The following EPCIP variants were observed in gnomAD, a reference collection of about 807,000 sequenced individuals.
The protein encoded by EPCIP is exosomal polycystin-1-interacting protein.
At chr21:32,794,221 C>A in the EPCIP span, 6 of 1,614,270 alleles carry the variant, frequency 3.7e-6, no homozygotes, top group Non-Finnish European at 5.1e-6. Flanking sequence ...CTGCAAGGGG[C>A]AGGACGGTTT....
chr21:32,798,597 T>G, the EPCIP span: 1 of 152,252 alleles, frequency 6.6e-6, no homozygotes, highest in South Asian at 2.1e-4. Context: ...TTAGGCCATT[T>G]GAGGCTGCAG....
the EPCIP span, among the ~76,000 whole-genome samples, chr21:32,806,360 C>T: frequency 6.6e-6 from 1 of 152,158 alleles, no homozygotes; most frequent in Non-Finnish European, 1.5e-5. Context: ...GCCCCATGGC[C>T]AAGGTAAGGG....
At chr21:32,796,983 A>G in the EPCIP span, 1 of 448,066 alleles carries the variant, frequency 2.2e-6, no homozygotes, top group East Asian at 7.6e-5. Context: ...AAAAGAGATC[A>G]GAAGAGAAAA....
the EPCIP span, chr21:32,793,623 G>T: frequency 1.3e-6 from 1 of 769,512 alleles, no homozygotes; most frequent in Non-Finnish European, 2.3e-6. Flanking sequence ...TGGTATGTGT[G>T]GCTGTGTTGC....
At chr21:32,795,701 C>T in the EPCIP span, among the ~76,000 whole-genome samples, 3 of 152,118 alleles carry the variant, frequency 2.0e-5, no homozygotes, top group Non-Finnish European at 2.9e-5. Context: ...AGGAAAGAGG[C>T]TAGGCAGACA....
the EPCIP span, chr21:32,797,455 G>A: frequency 5.9e-6 from 1 of 170,650 alleles, no homozygotes; most frequent in South Asian, 1.3e-4. Flanking sequence ...TGCCATGTTG[G>A]CCAGGCTGGT....
At chr21:32,802,968 T>A in the EPCIP span, among the ~76,000 whole-genome samples, 1 of 152,294 alleles carries the variant, frequency 6.6e-6, no homozygotes, top group Admixed American at 6.5e-5. Flanking sequence ...CCCTGAGACA[T>A]CCACTGTGAG....
chr21:32,794,384 C>T, the EPCIP span: 1 of 1,614,184 alleles, frequency 6.2e-7, no homozygotes. Context: ...ACCCAGAGTG[C>T]TGATCAGAAG....
chr21:32,812,937 C>T, the EPCIP span, among the ~76,000 whole-genome samples: 1 of 152,106 alleles, frequency 6.6e-6, no homozygotes, highest in Non-Finnish European at 1.5e-5. Flanking sequence ...GAATAAAAGA[C>T]CAATTTTTTA....
At chr21:32,809,905 A>T in the EPCIP span, among the ~76,000 whole-genome samples, 50 of 148,618 alleles carry the variant, frequency 3.4e-4, no homozygotes, top group African/African-American at 8.0e-4. Context: ...AAGATAAATT[A>T]AAAAAAAAAA....
chr21:32,810,514 G>A, the EPCIP span: 4 of 459,768 alleles, frequency 8.7e-6, no homozygotes, highest in Middle Eastern at 7.1e-4. Flanking sequence ...GCCCGCCTCG[G>A]CCTCCCAAAC....
chr21:32,799,188 G>T, the EPCIP span, among the ~76,000 whole-genome samples: 1 of 152,112 alleles, frequency 6.6e-6, no homozygotes, highest in African/African-American at 2.4e-5. Flanking sequence ...AGTCAGAAAG[G>T]TGGGTGCCCA....
At chr21:32,811,314 T>C in the EPCIP span, among the ~76,000 whole-genome samples, 1 of 152,282 alleles carries the variant, frequency 6.6e-6, no homozygotes, top group African/African-American at 2.4e-5. Flanking sequence ...GTATTTTTAG[T>C]ACAGACTGGG....
the EPCIP span, among the ~76,000 whole-genome samples, chr21:32,806,029 AAG>A: frequency 6.6e-6 from 1 of 152,116 alleles, no homozygotes; most frequent in African/African-American, 2.4e-5. Flanking sequence ...CAGGGCAGGG[AAG>A]AGCAGAGGGA....
At chr21:32,808,839 G>T in the EPCIP span, among the ~76,000 whole-genome samples, 1 of 152,108 alleles carries the variant, frequency 6.6e-6, no homozygotes, top group Non-Finnish European at 1.5e-5. Context: ...CTGTAAACCT[G>T]AAACTATTGC....
At chr21:32,802,238 C>T in the EPCIP span, among the ~76,000 whole-genome samples, 2 of 152,284 alleles carry the variant, frequency 1.3e-5, no homozygotes, top group South Asian at 2.1e-4. Context: ...CACATATTAC[C>T]ATGCTTACAT....
the EPCIP span, chr21:32,794,456 C>G: frequency 2.0e-5 from 31 of 1,584,684 alleles, no homozygotes; most frequent in South Asian, 1.6e-4. Flanking sequence ...TTTATCCCCC[C>G]TCTTTTTGAA....
chr21:32,806,745 T>C, the EPCIP span, among the ~76,000 whole-genome samples: 1 of 152,248 alleles, frequency 6.6e-6, no homozygotes, highest in South Asian at 2.1e-4. Context: ...TGAGCTCACC[T>C]GGGTATTAAT....
chr21:32,803,063 G>A, the EPCIP span, among the ~76,000 whole-genome samples: 10 of 152,188 alleles, frequency 6.6e-5, no homozygotes, highest in African/African-American at 2.4e-4. Context: ...AGCAAGCCTA[G>A]CTGCTAGTGA....
Sources: allele counts gnomAD v4.1 joint callset (sites outside exome capture counted in the v4.1 genomes callset), GRCh38; gene constraint gnomAD v4.1.1; transcripts MANE v1.5; gene names NCBI Gene and HGNC (gene_info 2026-07-23, HGNC 2026-07-21).